Variants in PTPRT observed in about 807,000 individuals in gnomAD.
PTPRT encodes the protein receptor-type tyrosine-protein phosphatase T.
PTPRT carries 56 observed loss-of-function variants against 176.8 expected under a neutral mutation model. The ratio of observed to expected loss-of-function variants is 0.32; its 90% CI spans 0.26 to 0.40. The LOEUF (loss-of-function observed/expected upper bound fraction) is 0.40, where lower values mean the gene tolerates loss of function less well. Ranked by LOEUF, PTPRT falls within the 10% of genes least tolerant of loss-of-function variation. The probability of loss-of-function intolerance (pLI) is 1.00; values close to 1 mark genes in which losing one functional copy is unlikely to be tolerated. For missense variants in PTPRT, 1,540 were observed against 1,908.2 expected (o/e 0.81, Z 3.60); for synonymous variants, 783 against 739.0 (o/e 1.06, Z -0.96).
intron 12 of PTPRT, 106 bp from the exon 13 acceptor site, chr20:42,282,631 G>C: frequency 1.2e-6 from 1 of 827,136 alleles, no homozygotes; most frequent in South Asian, 2.1e-5. Flanking sequence ...TCATGCATAT[G>C]TATTTTTAAT....
intron 1 of PTPRT, among the ~76,000 whole-genome samples, chr20:42,962,851 G>T (rs965205583): frequency 6.6e-6 from 1 of 152,072 alleles, no homozygotes; most frequent in Non-Finnish European, 1.5e-5. Flanking sequence ...CGGATCACTT[G>T]AAGTCAGGAG....
At chr20:42,915,190 G>A (rs892216826) in intron 1 of PTPRT, among the ~76,000 whole-genome samples, 1 of 152,178 alleles carries the variant, frequency 6.6e-6, no homozygotes, top group Non-Finnish European at 1.5e-5. Flanking sequence ...GCTATTTTAG[G>A]GCCTCTCTGG....
intron 7 of PTPRT, among the ~76,000 whole-genome samples, chr20:42,548,795 G>A (rs991655294): frequency 2.6e-5 from 4 of 152,148 alleles, no homozygotes; most frequent in Non-Finnish European, 5.9e-5. Context: ...TCCAAGAAAC[G>A]CGCAGGTGTT....
chr20:42,682,579 C>T (rs2075621664), intron 6 of PTPRT, among the ~76,000 whole-genome samples: 1 of 152,174 alleles, frequency 6.6e-6, no homozygotes, highest in Non-Finnish European at 1.5e-5. Context: ...CTGACAGCAC[C>T]CTCTGCTCAC....
intron 1 of PTPRT, among the ~76,000 whole-genome samples, chr20:42,892,034 C>T (rs187046100): frequency 3.9e-5 from 6 of 152,276 alleles, no homozygotes; most frequent in Admixed American, 2.0e-4. Flanking sequence ...GAGGTGACAG[C>T]CTAGATTTGC....
intron 7 of PTPRT, among the ~76,000 whole-genome samples, chr20:42,529,481 A>G (rs1040925518): frequency 6.6e-6 from 1 of 152,096 alleles, no homozygotes; most frequent in Non-Finnish European, 1.5e-5. Context: ...CCTTGCACAA[A>G]GTCAATTTTA....
At chr20:42,349,596 T>TA (rs891395182) in intron 11 of PTPRT, among the ~76,000 whole-genome samples, 9 of 151,618 alleles carry the variant, frequency 5.9e-5, no homozygotes, top group African/African-American at 2.2e-4. Context: ...GGTGGATTCT[T>TA]AAAAAAAAAT....
chr20:42,460,385 T>C (rs943138740), intron 8 of PTPRT, among the ~76,000 whole-genome samples: 1 of 152,200 alleles, frequency 6.6e-6, no homozygotes, highest in African/African-American at 2.4e-5. Flanking sequence ...CTGGCTGTTT[T>C]CCTGCTACAA....
At chr20:42,302,815 T>C (rs2057489808) in intron 12 of PTPRT, among the ~76,000 whole-genome samples, 1 of 152,230 alleles carries the variant, frequency 6.6e-6, no homozygotes, top group Non-Finnish European at 1.5e-5. Context: ...GGCACAATTC[T>C]GCAGAGTAAA....
At chr20:42,332,212 T>A (rs2057975373) in intron 11 of PTPRT, among the ~76,000 whole-genome samples, 1 of 152,024 alleles carries the variant, frequency 6.6e-6, no homozygotes, top group South Asian at 2.1e-4. Context: ...AAAAAAACAT[T>A]TTTTTTCTTG....
intron 1 of PTPRT, among the ~76,000 whole-genome samples, chr20:42,926,300 A>G (rs936883929): frequency 6.6e-6 from 1 of 152,190 alleles, no homozygotes; most frequent in South Asian, 2.1e-4. Context: ...GGACTACCCC[A>G]GAGCCCTGAT....
At chr20:42,569,914 C>T (rs934617720) in intron 7 of PTPRT, among the ~76,000 whole-genome samples, 1 of 152,220 alleles carries the variant, frequency 6.6e-6, no homozygotes, top group African/African-American at 2.4e-5. Context: ...CGGTTCCTTA[C>T]ATAGCAATAG....
At position 42,560,908 on chromosome 20, in the gene PTPRT, T is replaced by C. The variant is rs899527529; in HGVS notation, c.1154-88346A>G. On this transcript the variant is annotated intron_variant, in intron 7 of 30. Transcript: ENST00000373187. ...GGATTCCTCCTCAGTGGAAGCAGAA[T>C]ACACAGGGACACTGCTCCCTCCACT... 4.6e-5 allele frequency among the ~76,000 whole-genome samples: 7 copies of C among 152,158 alleles called. No homozygotes were observed. In the South Asian group the frequency reaches 1.4e-3, roughly 32 times the overall value.
intron 2 of PTPRT, among the ~76,000 whole-genome samples, chr20:42,814,284 G>C (rs571818252): frequency 6.6e-6 from 1 of 152,040 alleles, no homozygotes; most frequent in South Asian, 2.1e-4. Context: ...ATTCTTGTTT[G>C]CTCAATCTAT....
intron 16 of PTPRT, among the ~76,000 whole-genome samples, chr20:42,162,941 T>G (rs1206417668): frequency 6.6e-6 from 1 of 152,222 alleles, no homozygotes; most frequent in Non-Finnish European, 1.5e-5. Context: ...CCTTCCTGCT[T>G]TCTAGGTGAC....
At chr20:43,053,487 T>A (rs1287530109) in intron 1 of PTPRT, among the ~76,000 whole-genome samples, 1 of 152,138 alleles carries the variant, frequency 6.6e-6, no homozygotes. Context: ...GCAATCCCCA[T>A]CACACACAAA....
At chr20:42,580,450 G>A (rs1304698487) in intron 7 of PTPRT, among the ~76,000 whole-genome samples, 1 of 152,134 alleles carries the variant, frequency 6.6e-6, no homozygotes, top group African/African-American at 2.4e-5. Flanking sequence ...GAAAGTCATT[G>A]GTAGCTTGAT....
At chr20:43,013,511 G>T (rs761953869) in intron 1 of PTPRT, among the ~76,000 whole-genome samples, 1 of 152,154 alleles carries the variant, frequency 6.6e-6, no homozygotes, top group Non-Finnish European at 1.5e-5. Flanking sequence ...GAACAAACAG[G>T]TGGTACAATA....
At chr20:42,290,757 A>C (rs1282857121) in intron 12 of PTPRT, among the ~76,000 whole-genome samples, 2 of 151,910 alleles carry the variant, frequency 1.3e-5, no homozygotes, top group Non-Finnish European at 2.9e-5. Flanking sequence ...GTCAAGTCTG[A>C]CTCATCTAAC....
Sources: gnomAD v4.1 joint callset for allele counts (sites outside exome capture counted in the v4.1 genomes callset) on GRCh38, gnomAD v4.1.1 for gene constraint, MANE v1.5 for transcripts, NCBI Gene and HGNC (gene_info 2026-07-23, HGNC 2026-07-21) for gene names.